The following DNAH11 variants were observed in gnomAD, a reference collection of about 807,000 sequenced individuals.
DNAH11 encodes axonemal beta dynein heavy chain 11.
In DNAH11, 442 loss-of-function variants were observed where a neutral mutation model predicts 526.0. The ratio of observed to expected loss-of-function variants is 0.84; its 90% CI spans 0.78 to 0.91. The LOEUF (loss-of-function observed/expected upper bound fraction) is 0.91, where lower values mean the gene tolerates loss of function less well. DNAH11 is among the 40% of genes least tolerant of loss of function. The pLI is 0.00. For missense variants in DNAH11, 6,989 were observed against 5,448.7 expected, an observed-to-expected ratio of 1.28 and a Z score of -8.90; for synonymous variants, 2,461 against 1,935.9, an observed-to-expected ratio of 1.27 and a Z score of -7.12.
rs878854444 is a variant in DNAH11 at position 21,639,066 on chromosome 7, G to A, written c.4944+1G>A. ...CTCAAAAGGAGCTCAGCCTAAACAG[G>A]TAATATTTTTTTTGAAAGTCTCGTA... On this transcript the variant is annotated splice_donor_variant, in intron 28 of 81. Coordinates refer to ENST00000409508, the MANE Select transcript of DNAH11 (RefSeq NM_001277115.2). LOFTEE classifies it high-confidence loss of function. 7 of 1,606,904 alleles carry A rather than the reference G, an allele frequency of 4.4e-6. No homozygotes were observed. The highest frequency in any genetic ancestry group is 5.9e-6 in the Non-Finnish European group (7 of 1,178,000).
At chr7:21,819,237 C>A (rs1337152281) in intron 65 of DNAH11, among the ~76,000 whole-genome samples, 1 of 152,024 alleles carries the variant, frequency 6.6e-6, no homozygotes, top group African/African-American at 2.4e-5. Context: ...CACGCTCTGC[C>A]TCTAAGGTAT....
chr7:21,619,161 G>C lies in DNAH11; in HGVS notation c.4316G>C (p.Arg1439Thr), dbSNP rs1785921849. The change falls in exon 24 of 82, where the codon AGA becomes ACA. Residue 1439 changes from arginine (R) to threonine (T), a missense_variant. Coordinates refer to ENST00000409508, the MANE Select transcript of DNAH11 (RefSeq NM_001277115.2). ...LADLLALRLH[R>T]VEDDVRRIVD... The stretch of plus-strand genomic sequence containing the variant: ...GATTTGTTAGCACTGCGGTTACACA[G>C]AGTGGAAGATGATGTCCGAAGGATT... The C allele has an allele frequency of 4.3e-6, 7 of 1,613,606 alleles. No homozygotes were observed. Among genetic ancestry groups the C allele is most frequent in the Non-Finnish European group, 5.9e-6 (7 of 1,179,696 alleles).
chr7:21,734,297 C>T (rs1368770878), intron 45 of DNAH11, among the ~76,000 whole-genome samples: 1 of 152,146 alleles, frequency 6.6e-6, no homozygotes, highest in Non-Finnish European at 1.5e-5. Context: ...AGCATGGTAC[C>T]TGCCACATAC....
intron 34 of DNAH11, among the ~76,000 whole-genome samples, chr7:21,689,881 T>G (rs954746473): frequency 6.6e-6 from 1 of 152,216 alleles, no homozygotes; most frequent in Non-Finnish European, 1.5e-5. Context: ...AAAGTTTCCC[T>G]CTACCTGTCT....
At chr7:21,668,828 T>C (rs1782524242) in intron 30 of DNAH11, among the ~76,000 whole-genome samples, 1 of 152,204 alleles carries the variant, frequency 6.6e-6, no homozygotes, top group Non-Finnish European at 1.5e-5. Context: ...ACATATATTT[T>C]CATTTCTCCT....
intron 63 of DNAH11, among the ~76,000 whole-genome samples, chr7:21,811,713 G>T (rs997031454): frequency 2.6e-5 from 4 of 152,124 alleles, no homozygotes; most frequent in African/African-American, 9.7e-5. Flanking sequence ...TGGTTAAAAT[G>T]ACAAATTTTA....
At chr7:21,571,740 T>C in intron 7 of DNAH11, 66 bp from the exon 8 acceptor site, 2 of 1,253,614 alleles carry the variant, frequency 1.6e-6, no homozygotes, top group South Asian at 2.3e-5. Flanking sequence ...ATGTTCTTGA[T>C]TTGAAACTTT....
chr7:21,747,856 C>T (rs10248932), intron 51 of DNAH11, among the ~76,000 whole-genome samples: 7,405 of 152,268 alleles, frequency 0.049, 583 homozygotes, highest in African/African-American at 0.17. Context: ...AATTCTACAG[C>T]AAAGATTTCT....
chr7:21,880,320 C>T (rs1485440343), intron 74 of DNAH11, among the ~76,000 whole-genome samples: 1 of 152,114 alleles, frequency 6.6e-6, no homozygotes, highest in Non-Finnish European at 1.5e-5. Context: ...CTAGCATTCT[C>T]CCAACCGTAA....
intron 2 of DNAH11, among the ~76,000 whole-genome samples, 198 bp downstream of exon 2, chr7:21,545,347 A>T (rs1267648965): frequency 6.6e-6 from 1 of 151,468 alleles, no homozygotes; most frequent in Non-Finnish European, 1.5e-5. Context: ...CATAACATCT[A>T]GACTGTTCCT....
chr7:21,573,986 G>A (rs568139874), intron 8 of DNAH11, among the ~76,000 whole-genome samples: 40 of 152,246 alleles, frequency 2.6e-4, no homozygotes, highest in African/African-American at 7.0e-4. Flanking sequence ...CTTTATTGGC[G>A]TACCGAAAGG....
At chr7:21,603,851 T>C (rs1041430369) in intron 18 of DNAH11, among the ~76,000 whole-genome samples, 4 of 152,214 alleles carry the variant, frequency 2.6e-5, no homozygotes, top group Non-Finnish European at 5.9e-5. Flanking sequence ...GAGGGAAATT[T>C]AGATATGGCC....
In DNAH11 at chr7:21,789,302, C is replaced by G. The variant is rs368473106; in HGVS notation, c.9986C>G (p.Ala3329Gly). 3.8e-6 allele frequency: 6 copies of G among 1,576,826 alleles called. No homozygotes were observed. Among genetic ancestry groups the G allele is most frequent in the Non-Finnish European group, 3.4e-6 (4 of 1,160,804 alleles). The change falls in exon 61 of 82, where the codon GCA (alanine) becomes GGA (glycine). Residue 3329 changes from alanine to glycine, a missense_variant. Transcript: ENST00000409508. ...ALAQANLELA[A>G]ATEKLEAIRK... Reference sequence around the variant, plus strand: ...GCCCAAGCAAACTTAGAACTGGCTGCAGCTACTGAAAAACTAGAGGCTATC... The same window carrying G: ...GCCCAAGCAAACTTAGAACTGGCTGGAGCTACTGAAAAACTAGAGGCTATC...
intron 64 of DNAH11, among the ~76,000 whole-genome samples, chr7:21,817,705 G>T (rs4722059): frequency 0.43 from 64,302 of 151,130 alleles, 14,315 homozygotes; most frequent in East Asian, 0.81. Context: ...ATTTTTTTTT[G>T]ATGTAGTTTT....
rs138597074 is a variant in DNAH11 at position 21,673,662 on chromosome 7, T to G, written c.5329-7884T>G. Among the ~76,000 whole-genome samples the G allele has an allele frequency of 4.6e-5, 7 of 152,262 alleles. No homozygotes were observed. In the East Asian group the frequency reaches 1.4e-3, roughly 29 times the overall value. On this transcript the variant is annotated intron_variant, in intron 30 of 81. Coordinates refer to ENST00000409508, the MANE Select transcript of DNAH11 (RefSeq NM_001277115.2). ...GCTCTTGCTCATTCCCATCAGTAAT[T>G]AAACATGCCCAACTCCCTCATTACT... is the stretch of plus-strand genomic sequence containing the variant.
At chr7:21,676,541 TG>T (rs1782897189) in intron 30 of DNAH11, among the ~76,000 whole-genome samples, 1 of 152,218 alleles carries the variant, frequency 6.6e-6, no homozygotes, top group Non-Finnish European at 1.5e-5. Context: ...GGTTTAATCT[TG>T]ATACACAGTA....
chr7:21,802,756 G>A (rs35922142), intron 62 of DNAH11, among the ~76,000 whole-genome samples: 2 of 151,408 alleles, frequency 1.3e-5, no homozygotes, highest in Admixed American at 6.6e-5. Flanking sequence ...TACACAGGCA[G>A]AATGTGCCTG....
intron 30 of DNAH11, among the ~76,000 whole-genome samples, chr7:21,661,948 A>C (rs140289739): frequency 0.014 from 2,113 of 152,134 alleles, 18 homozygotes; most frequent in Non-Finnish European, 0.019. Flanking sequence ...CCTCCTGAGT[A>C]GCTGGGATTA....
chr7:21,679,624 T>G (rs969729036), intron 30 of DNAH11, among the ~76,000 whole-genome samples: 36 of 152,310 alleles, frequency 2.4e-4, no homozygotes, highest in African/African-American at 8.4e-4. Context: ...TTTATTTCTT[T>G]AAGCCAGCTT....
Sources: gnomAD v4.1 joint callset for allele counts (sites outside exome capture counted in the v4.1 genomes callset) on GRCh38, gnomAD v4.1.1 for gene constraint, MANE v1.5 for transcripts, NCBI Gene and HGNC (gene_info 2026-07-23, HGNC 2026-07-21) for gene names.